NLRC3: variants seen among roughly 807,000 people sequenced by gnomAD.
The protein encoded by NLRC3 is NLR family CARD domain containing 3.
NLRC3 carries 87 observed loss-of-function variants against 91.6 expected under a neutral mutation model. The observed-to-expected ratio is 0.95, with a 90% CI of 0.80 to 1.14. The LOEUF (loss-of-function observed/expected upper bound fraction) is 1.14, where lower values mean the gene tolerates loss of function less well. NLRC3 is among the 50% of genes most tolerant of loss of function. NLRC3 has a pLI of 0.00. For synonymous variants in NLRC3, 694 were observed against 625.3 expected (o/e 1.11, Z -1.64); for missense variants, 1,577 against 1,418.6 (o/e 1.11, Z -1.79).
intron 1 of NLRC3, among the ~76,000 whole-genome samples, chr16:3,570,137 A>G (rs1277180924): frequency 1.3e-5 from 2 of 152,062 alleles, no homozygotes; most frequent in Non-Finnish European, 2.9e-5. Context: ...CGTGTGCTGT[A>G]TAATCTACTG....
At chr16:3,574,997 T>C (rs1331336618) in intron 1 of NLRC3, among the ~76,000 whole-genome samples, 1 of 152,132 alleles carries the variant, frequency 6.6e-6, no homozygotes, top group African/African-American at 2.4e-5. Flanking sequence ...CCACAGATAA[T>C]TAAATTTCAG....
chr16:3,569,983 A>G (rs1413847666), intron 1 of NLRC3, among the ~76,000 whole-genome samples: 1 of 152,136 alleles, frequency 6.6e-6, no homozygotes, highest in African/African-American at 2.4e-5. Context: ...TCCATAATTT[A>G]TTTCTCATAA....
At chr16:3,552,460 T>G (rs2039067356) in intron 9 of NLRC3, among the ~76,000 whole-genome samples, 181 bp from the exon 10 acceptor site, 1 of 152,078 alleles carries the variant, frequency 6.6e-6, no homozygotes, top group South Asian at 2.1e-4. Context: ...GGACCAACAT[T>G]ATGATGAGGG....
intron 8 of NLRC3, among the ~76,000 whole-genome samples, chr16:3,556,593 T>C (rs1043425536): frequency 6.6e-6 from 1 of 151,998 alleles, no homozygotes; most frequent in Non-Finnish European, 1.5e-5. Context: ...CAACCTCTGC[T>C]TCCCAGACTC....
At chr16:3,566,646 A>G (rs912580599) in intron 2 of NLRC3, among the ~76,000 whole-genome samples, 4 of 151,902 alleles carry the variant, frequency 2.6e-5, no homozygotes, top group African/African-American at 9.7e-5. Context: ...AATCACTTGA[A>G]CCCGGGAGGC....
At chr16:3,548,024 G>A (rs1185804459) in intron 15 of NLRC3, 111 bp downstream of exon 15, 10 of 703,670 alleles carry the variant, frequency 1.4e-5, no homozygotes, top group Middle Eastern at 3.7e-4. Context: ...CCTTAGGGAA[G>A]AGGAGTGCCA....
rs1596471793 is a variant in NLRC3, at chr16:3,559,901, C to T, written c.2015+1801G>A. ...CAAGTGATTCACGGGCCTCAGTCTC[C>T]CAAAGTGCTGGGATTAAAGGCATGA... On this transcript the variant is annotated intron_variant, in intron 6 of 19. Transcript: ENST00000359128. 2.6e-5 allele frequency among the ~76,000 whole-genome samples: 4 copies of T among 152,134 alleles called. No homozygotes were observed. The South Asian group carries it at 8.3e-4, about 32-fold the overall frequency.
intron 8 of NLRC3, among the ~76,000 whole-genome samples, chr16:3,554,924 T>A (rs1457661978): frequency 1.3e-5 from 2 of 152,132 alleles, no homozygotes; most frequent in African/African-American, 4.8e-5. Context: ...TGGAATATGA[T>A]TCAGCCTTAA....
intron 8 of NLRC3, among the ~76,000 whole-genome samples, chr16:3,555,252 A>G (rs2039246685): frequency 6.7e-6 from 1 of 150,022 alleles, no homozygotes; most frequent in African/African-American, 2.4e-5. Flanking sequence ...AAAAAAAGTT[A>G]AAATAAAATG....
intron 14 of NLRC3, 88 bp downstream of exon 14, chr16:3,548,582 C>A: frequency 1.0e-6 from 1 of 1,003,986 alleles, no homozygotes; most frequent in African/African-American, 1.6e-5. Context: ...GTCCCCAAAC[C>A]AGGTGTGGCC....
Position 3,564,298 on chromosome 16 carries a change from C to G in NLRC3, c.639G>C (p.Arg213Ser). The G allele has an allele frequency of 6.2e-7, 1 of 1,611,712 alleles. No homozygotes were observed. Among genetic ancestry groups the G allele is most frequent in the Non-Finnish European group, 8.5e-7 (1 of 1,179,536 alleles). Residue 213 changes from arginine (R) to serine (S), a missense_variant, in exon 5 of 20, where the codon AGG becomes AGC. By Grantham distance (110) the Arg-to-Ser change is moderately radical (BLOSUM62 -1). Transcript: ENST00000359128. This position sits in a 1 kb window ranked among gnomAD's most constrained non-coding sequence, Gnocchi z 5.9. ...CCAAGCCGTCCAGGATCAGGAGGGC[C>G]CTGGCTGGGACTGCCACCGCCAGGC... is the stretch of plus-strand genomic sequence containing the variant. The part of the protein sequence containing the change: ...EPSLAVAVPA[R>S]ALLILDGLDE...
In NLRC3 at chr16:3,540,218, A is replaced by G. The variant is rs1275795255; in HGVS notation, c.*1607T>C. On this transcript the variant is annotated 3_prime_UTR_variant, in exon 20 of 20. Transcript: ENST00000359128. ...AGACTGCAAGGATATCATCTTCCCG[A>G]GTAGGCCTTCATCCATGGCCTCAGC... The G allele has an allele frequency of 6.6e-6, 1 of 152,202 alleles. No individual in the cohort carries two copies. Among genetic ancestry groups the G allele is most frequent in the Non-Finnish European group, 1.5e-5 (1 of 68,028 alleles). The allele number at this position is 152,202 out of a possible 1,614,324, so 9.4% of individuals were successfully genotyped here. A position where few individuals can be genotyped will look rare whatever the true frequency, so the allele number is the denominator to read the frequency against.
At chr16:3,550,361 A>T (rs2038928247) in intron 11 of NLRC3, 53 bp downstream of exon 11, 2 of 1,236,180 alleles carry the variant, frequency 1.6e-6, no homozygotes, top group South Asian at 1.2e-5. Context: ...CCGGCCCACT[A>T]TCTACTGGAA....
At chr16:3,561,315 C>T (rs1269113207) in intron 6 of NLRC3, among the ~76,000 whole-genome samples, 2 of 152,110 alleles carry the variant, frequency 1.3e-5, no homozygotes, top group Non-Finnish European at 2.9e-5. Flanking sequence ...CCACTACACT[C>T]CAGCTGGGGT....
chr16:3,549,531 G>A (rs1227282005), intron 12 of NLRC3, among the ~76,000 whole-genome samples, 166 bp downstream of exon 12: 2 of 152,192 alleles, frequency 1.3e-5, no homozygotes, highest in Admixed American at 1.3e-4. Context: ...GCCACTGCGG[G>A]CAGCAGCTAT....
intron 6 of NLRC3, 123 bp from the exon 7 acceptor site, chr16:3,557,799 T>A: frequency 3.0e-6 from 2 of 657,296 alleles, no homozygotes; most frequent in South Asian, 1.8e-5. Context: ...TGGACATAGG[T>A]GGAGATGAGG....
chr16:3,544,567 G>T, intron 15 of NLRC3: 2 of 491,060 alleles, frequency 4.1e-6, no homozygotes, highest in Non-Finnish European at 7.3e-6. Flanking sequence ...CAGGAAATGG[G>T]ACATATAGAG....
In NLRC3 at chr16:3,563,938, C is replaced by T. The variant is rs772560084; in HGVS notation, c.999G>A (p.Arg333=). 11 of 1,593,446 alleles carry T rather than the reference C, an allele frequency of 6.9e-6. No individual in the cohort carries two copies. The highest frequency in any genetic ancestry group is 9.4e-6 in the Non-Finnish European group (11 of 1,172,020). The change falls in exon 5 of 20, where the codon AGG becomes AGA. Residue 333 remains arginine, a synonymous_variant. Transcript: ENST00000359128. The stretch of plus-strand genomic sequence containing the variant: ...GGTGGCCTAGCGCCATCCCCGTGAG[C>T]CTGCAGAAGGCTGGGACGGTGCACA... ...YLMCTVPAFC[R]LTGMALGHLW... is the part of the protein sequence containing the mutation.
At chr16:3,561,970 G>A (rs150582256) in intron 5 of NLRC3, among the ~76,000 whole-genome samples, 182 bp from the exon 6 acceptor site, 371 of 152,326 alleles carry the variant, frequency 2.4e-3, no homozygotes, top group African/African-American at 8.3e-3. Flanking sequence ...GGGTGCCCAC[G>A]AGACCTGCGG....
Sources: gnomAD v4.1 joint callset for allele counts (sites outside exome capture counted in the v4.1 genomes callset) on GRCh38, gnomAD v4.1.1 for gene constraint, Gnocchi (gnomAD v3.1) non-coding constraint, MANE v1.5 for transcripts, NCBI Gene and HGNC (gene_info 2026-07-23, HGNC 2026-07-21) for gene names.